The following SCHIP1 variants were observed in gnomAD, a reference collection of about 807,000 sequenced individuals.
SCHIP1 encodes the protein schwannomin interacting protein 1.
A neutral mutation model predicts 29.7 loss-of-function variants in SCHIP1; 8 were observed. The ratio of observed to expected loss-of-function variants is 0.27; its 90% confidence interval spans 0.16 to 0.49. The LOEUF is 0.49. Ranked by LOEUF, SCHIP1 falls within the 20% of genes least tolerant of loss-of-function variation. The pLI is 0.99. For synonymous variants in SCHIP1, 76 were observed against 94.9 expected (o/e 0.80, Z 1.16); for missense variants, 193 against 294.6 (o/e 0.66, Z 2.52).
At chr3:159,732,036 G>C in the SCHIP1 span, among the ~76,000 whole-genome samples, 1 of 152,262 alleles carries the variant, frequency 6.6e-6, no homozygotes, top group African/African-American at 2.4e-5. Flanking sequence ...ACTGGGTACT[G>C]GGTTTCACCA....
At chr3:159,445,517 C>G in the SCHIP1 span, among the ~76,000 whole-genome samples, 1 of 151,856 alleles carries the variant, frequency 6.6e-6, no homozygotes, top group Non-Finnish European at 1.5e-5. Context: ...CCCAGCCATC[C>G]CATTACTGGG....
the SCHIP1 span, among the ~76,000 whole-genome samples, chr3:159,478,690 A>AT: frequency 7.3e-3 from 1,103 of 152,112 alleles, 13 homozygotes; most frequent in African/African-American, 0.025. Flanking sequence ...TCACAATATA[A>AT]TTTTTTCTAC....
the SCHIP1 span, among the ~76,000 whole-genome samples, chr3:159,780,787 A>G: frequency 8.5e-5 from 13 of 152,262 alleles, no homozygotes; most frequent in African/African-American, 3.1e-4. Flanking sequence ...AAAGGGTCAC[A>G]GCTAACTAGC....
chr3:159,693,041 A>G, the SCHIP1 span, among the ~76,000 whole-genome samples: 1 of 152,192 alleles, frequency 6.6e-6, no homozygotes, highest in African/African-American at 2.4e-5. Context: ...GAATAAAGAC[A>G]TATTTACCTT....
the SCHIP1 span, among the ~76,000 whole-genome samples, chr3:159,503,996 G>A: frequency 6.6e-6 from 1 of 152,216 alleles, no homozygotes; most frequent in Admixed American, 6.5e-5. Context: ...GAAGTAAAGT[G>A]CCTTCTATGC....
At chr3:159,362,156 C>T in the SCHIP1 span, among the ~76,000 whole-genome samples, 7 of 152,036 alleles carry the variant, frequency 4.6e-5, no homozygotes, top group African/African-American at 1.4e-4. Flanking sequence ...AGAAGGATGA[C>T]AGTAAATGCA....
the SCHIP1 span, among the ~76,000 whole-genome samples, chr3:159,482,041 A>G: frequency 6.6e-6 from 1 of 152,158 alleles, no homozygotes; most frequent in South Asian, 2.1e-4. Context: ...GGGTGCATGC[A>G]TGGATGGGGT....
chr3:159,398,342 G>T, the SCHIP1 span, among the ~76,000 whole-genome samples: 2 of 152,214 alleles, frequency 1.3e-5, no homozygotes, highest in Admixed American at 1.3e-4. Context: ...GGCCATCTTG[G>T]CTCCTCCCCC....
At chr3:159,401,343 T>A in the SCHIP1 span, 1 of 969,566 alleles carries the variant, frequency 1.0e-6, no homozygotes, top group Non-Finnish European at 1.2e-6. Context: ...GCATCTAGAC[T>A]AAGTGGGATG....
chr3:159,868,044 CAT>C (rs899837952), intron 2 of SCHIP1, among the ~76,000 whole-genome samples: 3 of 131,904 alleles, frequency 2.3e-5, no homozygotes, highest in African/African-American at 7.9e-5. Context: ...TATACACACA[CAT>C]ATACCTATGT....
At chr3:159,405,434 T>A in the SCHIP1 span, among the ~76,000 whole-genome samples, 4 of 152,124 alleles carry the variant, frequency 2.6e-5, no homozygotes, top group Non-Finnish European at 5.9e-5. Context: ...ATCACATAAA[T>A]GTAACAAAGA....
the SCHIP1 span, among the ~76,000 whole-genome samples, chr3:159,349,756 G>C: frequency 6.6e-6 from 1 of 152,100 alleles, no homozygotes; most frequent in Non-Finnish European, 1.5e-5. Flanking sequence ...TAGGGTCTTC[G>C]GGTCGGGGTT....
At chr3:159,872,306 G>A (rs1269511145) in intron 2 of SCHIP1, among the ~76,000 whole-genome samples, 1 of 152,052 alleles carries the variant, frequency 6.6e-6, no homozygotes, top group Non-Finnish European at 1.5e-5. Context: ...ACCCAGCTTG[G>A]CAGTCCTCCT....
chr3:159,879,678 T>C (rs1716238892), intron 2 of SCHIP1, among the ~76,000 whole-genome samples: 1 of 152,170 alleles, frequency 6.6e-6, no homozygotes, highest in South Asian at 2.1e-4. Context: ...CAGTTGAAAA[T>C]GCATTTTCCC....
the SCHIP1 span, among the ~76,000 whole-genome samples, chr3:159,516,204 T>C: frequency 1.3e-5 from 2 of 152,164 alleles, no homozygotes; most frequent in African/African-American, 2.4e-5. Context: ...CTCCCAAATC[T>C]TCACCTGACC....
the SCHIP1 span, among the ~76,000 whole-genome samples, chr3:159,591,838 T>C: frequency 6.6e-6 from 1 of 151,862 alleles, no homozygotes. Context: ...AAAACATAGA[T>C]GAAGGGTTGA....
chr3:159,386,569 A>T, the SCHIP1 span, among the ~76,000 whole-genome samples: 4,134 of 152,300 alleles, frequency 0.027, 71 homozygotes, highest in East Asian at 0.11. Flanking sequence ...GAACCAAAAA[A>T]GAGCCCACAT....
chr3:159,452,135 TTC>T, the SCHIP1 span, among the ~76,000 whole-genome samples: 1 of 146,808 alleles, frequency 6.8e-6, no homozygotes, highest in South Asian at 2.4e-4. Flanking sequence ...AAAACATTTC[TTC>T]TTTTTTTTTT....
At chr3:159,277,901 A>G in the SCHIP1 span, among the ~76,000 whole-genome samples, 117,220 of 151,060 alleles carry the variant, frequency 0.78, 46,651 homozygotes, top group African/African-American at 0.93. Context: ...GACAACGAGC[A>G]AAACTCCGTC....
Sources: gnomAD v4.1 joint callset for allele counts (sites outside exome capture counted in the v4.1 genomes callset) on GRCh38, gnomAD v4.1.1 for gene constraint, MANE v1.5 for transcripts, NCBI Gene and HGNC (gene_info 2026-07-23, HGNC 2026-07-21) for gene names.